Variants in GADD45A observed in about 807,000 individuals in gnomAD.
GADD45A encodes the protein growth arrest and DNA damage inducible alpha, also known as growth arrest and DNA damage-inducible protein GADD45 alpha.
In GADD45A, 9 loss-of-function variants were observed where a neutral mutation model predicts 17.7. That is an observed-to-expected ratio of 0.51 (90% confidence interval 0.31 to 0.89). GADD45A has a LOEUF of 0.89. GADD45A is among the 40% of genes least tolerant of loss of function. The pLI is 0.05. For missense variants in GADD45A, 149 were observed against 220.6 expected (o/e 0.68, Z 2.06); for synonymous variants, 95 against 92.2 (o/e 1.03, Z -0.17).
Position 67,687,913 on chromosome 1 carries a change from A to G in GADD45A, c.*139A>G. Reference sequence around the variant, plus strand: ...CAAGGGGCTGAGTGAGTTCAACTACATGTTCTGGGGGCCCGGAGATAGATG... The same window carrying G: ...CAAGGGGCTGAGTGAGTTCAACTACGTGTTCTGGGGGCCCGGAGATAGATG... On this transcript the variant is annotated 3_prime_UTR_variant, in exon 4 of 4. Coordinates refer to ENST00000370986, the MANE Select transcript of GADD45A (RefSeq NM_001924.4). 1.8e-6 allele frequency: 1 copy of G among 567,074 alleles called. No homozygotes were observed. Among genetic ancestry groups the G allele is most frequent in the Non-Finnish European group, 3.2e-6 (1 of 315,662 alleles). 35.1% of individuals were successfully genotyped at this position (567,074 alleles called of 1,614,324 possible). A position where few individuals can be genotyped will look rare whatever the true frequency, so the allele number is the denominator to read the frequency against.
At chr1:67,687,435 T>G (rs1239829054) in intron 3 of GADD45A, among the ~76,000 whole-genome samples, 2 of 152,220 alleles carry the variant, frequency 1.3e-5, no homozygotes, top group East Asian at 3.8e-4. Context: ...CAGCTTGGGT[T>G]GCATGGGTTC....
chr1:67,686,706 C>T, intron 3 of GADD45A, 119 bp downstream of exon 3: 1 of 748,660 alleles, frequency 1.3e-6, no homozygotes, highest in Admixed American at 2.8e-5. Context: ...CTGCCTTTGT[C>T]CGACTAGAGT....
At chr1:67,686,660 T>C (rs1348595280) in intron 3 of GADD45A, 73 bp downstream of exon 3, 9 of 1,352,484 alleles carry the variant, frequency 6.7e-6, no homozygotes, top group Non-Finnish European at 9.1e-6. Context: ...GGTTGCCTGA[T>C]TGTGGATCTG....
Position 67,686,247 on chromosome 1 carries a change from G to A in GADD45A, c.147-103G>A, listed in dbSNP as rs188385738. 5,477 of 1,382,330 alleles carry A rather than the reference G, an allele frequency of 4.0e-3. 18 individuals are homozygous for A. Among genetic ancestry groups the A allele is most frequent in the Non-Finnish European group, 4.6e-3 (4,625 of 1,005,178 alleles). The allele number at this position is 1,382,330 out of a possible 1,614,324, so 85.6% of individuals were successfully genotyped here. A position where few individuals can be genotyped will look rare whatever the true frequency, so the allele number is the denominator to read the frequency against. ...TCCTGTCGCTTTTCTGCCTGTCTCG[G>A]AAGGGAGGGGGCGAGCGGGCCGGGC... On this transcript the variant is annotated intron_variant, in intron 2 of 3. Coordinates refer to ENST00000370986, the MANE Select transcript of GADD45A (RefSeq NM_001924.4).
Position 67,685,543 on chromosome 1 carries a change from G to A in GADD45A, c.44+5G>A. On this transcript the variant is annotated splice_donor_5th_base_variant and intron_variant, in intron 1 of 3. Transcript: ENST00000370986. ...TGGAGAGCAGAAGACCGAAAGGTGA[G>A]TCGGCCTGCGGACTCTTCCGGCCCG... The A allele has an allele frequency of 6.2e-7, 1 of 1,605,324 alleles. No homozygotes were observed. The highest frequency in any genetic ancestry group is 8.5e-7 in the Non-Finnish European group (1 of 1,175,380).
chr1:67,686,086 A>G lies in GADD45A; in HGVS notation c.106A>G (p.Ile36Val). 1 of 1,610,048 alleles carries G rather than the reference A, an allele frequency of 6.2e-7. No individual in the cohort carries two copies. Among genetic ancestry groups the G allele is most frequent in the Non-Finnish European group, 8.5e-7 (1 of 1,178,410 alleles). The change falls in exon 2 of 4, where the codon ATC becomes GTC. Residue 36 changes from isoleucine (I) to valine (V), a missense_variant. Coordinates refer to ENST00000370986, the MANE Select transcript of GADD45A (RefSeq NM_001924.4). ...VLSKALSQRT[I>V]TVGVYEAAKL... ...CAGCAAAGCCCTGAGTCAGCGCACGATCACTGTCGGGGTGTACGAAGCGGC... is the reference window on the plus strand; with the variant it reads ...CAGCAAAGCCCTGAGTCAGCGCACGGTCACTGTCGGGGTGTACGAAGCGGC...
intron 2 of GADD45A, 87 bp from the exon 3 acceptor site, chr1:67,686,263 C>A: frequency 7.2e-7 from 1 of 1,385,438 alleles, no homozygotes; most frequent in Non-Finnish European, 9.9e-7. Flanking sequence ...AGGGGGCGAG[C>A]GGGCCGGGCG....
At chr1:67,686,229 G>T (rs1646132534) in intron 2 of GADD45A, 103 bp downstream of exon 2, 4 of 1,374,542 alleles carry the variant, frequency 2.9e-6, no homozygotes, top group East Asian at 2.5e-5. Flanking sequence ...ACTTCCTGTC[G>T]CTTTTCTGCC....
At chr1:67,685,673 C>G in intron 1 of GADD45A, 135 bp downstream of exon 1, 1 of 827,828 alleles carries the variant, frequency 1.2e-6, no homozygotes, top group South Asian at 1.6e-5. Context: ...CCCTTGCTCC[C>G]TCGGGACTCT....
rs1398996723 is a variant in GADD45A, at chr1:67,685,255, C to A, written c.-240C>A. The A allele has an allele frequency of 4.0e-6, 2 of 506,110 alleles. No individual in the cohort carries two copies. Among genetic ancestry groups the A allele is most frequent in the South Asian group, 2.6e-5 (1 of 38,920 alleles). The allele number at this position is 506,110 out of a possible 1,614,324, so 31.4% of individuals were successfully genotyped here. ...GCGGCCCAATTAGTGTCGTGCGGCCCGTGGCGAGGCGAGGTCCGGGGAGCG... is the reference window on the plus strand; with the variant it reads ...GCGGCCCAATTAGTGTCGTGCGGCCAGTGGCGAGGCGAGGTCCGGGGAGCG... On this transcript the variant is annotated 5_prime_UTR_variant, in exon 1 of 4. Coordinates refer to ENST00000370986, the MANE Select transcript of GADD45A (RefSeq NM_001924.4).
chr1:67,688,203 TTGA>T lies in GADD45A; in HGVS notation c.*433_*435del, dbSNP rs1372645274. The T allele has an allele frequency of 6.5e-6, 1 of 154,550 alleles. No individual in the cohort carries two copies. The highest frequency in any genetic ancestry group is 2.4e-5 in the African/African-American group (1 of 41,496). The allele number at this position is 154,550 out of a possible 1,614,324, so 9.6% of individuals were successfully genotyped here. A position where few individuals can be genotyped will look rare whatever the true frequency, so the allele number is the denominator to read the frequency against. The stretch of plus-strand genomic sequence containing the variant: ...TTTGAAAACCATATTTTATTGTATT[TTGA>T]TGAGATATTAAATTCTCAAAGTTTT... On this transcript the variant is annotated 3_prime_UTR_variant, in exon 4 of 4. Transcript: ENST00000370986.
chr1:67,687,941 T>C lies in GADD45A; in HGVS notation c.*167T>C. On this transcript the variant is annotated 3_prime_UTR_variant, in exon 4 of 4. Coordinates refer to ENST00000370986, the MANE Select transcript of GADD45A (RefSeq NM_001924.4). ...TTCTGGGGGCCCGGAGATAGATGAC[T>C]TTGCAGATGGAAAGAGGTGAAAATG... 1 of 498,488 alleles carries C rather than the reference T, an allele frequency of 2.0e-6. No homozygotes were observed. The highest frequency in any genetic ancestry group is 3.6e-6 in the Non-Finnish European group (1 of 279,432). The allele number at this position is 498,488 out of a possible 1,614,324, so 30.9% of individuals were successfully genotyped here.
At chr1:67,685,617 G>A in intron 1 of GADD45A, 79 bp downstream of exon 1, 1 of 1,422,296 alleles carries the variant, frequency 7.0e-7, no homozygotes, top group East Asian at 2.4e-5. Flanking sequence ...GGCTGTGGAA[G>A]GCTTGCAGGG....
In GADD45A at chr1:67,686,545, G is replaced by C; in HGVS notation, c.342G>C (p.Glu114Asp). The C allele has an allele frequency of 6.2e-7, 1 of 1,612,352 alleles. No homozygotes were observed. The highest frequency in any genetic ancestry group is 1.1e-5 in the South Asian group (1 of 90,986). The change falls in exon 3 of 4, where the codon GAG (glutamate) becomes GAC (aspartate). Residue 114 changes from glutamate (E) to aspartate (D), a missense_variant. Physicochemically the swap from Glu to Asp is conservative, Grantham distance 45. Transcript: ENST00000370986. The part of the protein sequence containing the change: ...LETDAGPAAS[E>D]GAEQPPDLHC... ...CCGACGCTGGCCCCGCGGCGAGCGA[G>C]GGCGCCGAGCAGCCCCCGGACCTGC...
chr1:67,686,240 TGTCTCGGAAGGGAGGGGG>T, intron 2 of GADD45A, 92 bp from the exon 3 acceptor site: 1 of 1,367,104 alleles, frequency 7.3e-7, no homozygotes, highest in East Asian at 2.5e-5. Context: ...CTTTTCTGCC[TGTCTCGGAAGGGAGGGGG>T]CGAGCGGGCC....
chr1:67,685,289 A>G lies in GADD45A; in HGVS notation c.-206A>G, dbSNP rs1646124180. On this transcript the variant is annotated 5_prime_UTR_variant, in exon 1 of 4. Transcript: ENST00000370986. ...GCGAGGTCCGGGGAGCGAGCGAGCA[A>G]GCAAGGCGGGAGGGGTGGCCGGAGC... The G allele has an allele frequency of 1.9e-6, 1 of 522,188 alleles. No individual in the cohort carries two copies. The highest frequency in any genetic ancestry group is 3.3e-6 in the Non-Finnish European group (1 of 298,792). 32.3% of individuals were successfully genotyped at this position (522,188 alleles called of 1,614,324 possible).
In GADD45A at chr1:67,685,725, C is replaced by T; in HGVS notation, c.44+187C>T. 3 of 647,460 alleles carry T rather than the reference C, an allele frequency of 4.6e-6. No individual in the cohort carries two copies. The South Asian group carries it at 5.8e-5, about 13-fold the overall frequency. The allele number at this position is 647,460 out of a possible 1,614,324, so 40.1% of individuals were successfully genotyped here. A position where few individuals can be genotyped will look rare whatever the true frequency, so the allele number is the denominator to read the frequency against. On this transcript the variant is annotated intron_variant, in intron 1 of 3. Coordinates refer to ENST00000370986, the MANE Select transcript of GADD45A (RefSeq NM_001924.4). ...GACTGAAAGAGCGTGCCCCCCAACC[C>T]GAACGAGCCCCGCCGGGGCCTTTGC...
chr1:67,685,756 G>T, intron 1 of GADD45A: 1 of 607,968 alleles, frequency 1.6e-6, no homozygotes, highest in South Asian at 2.0e-5. Context: ...TTTGCAAAGG[G>T]CAGCAGTGGC....
rs374796115 is a variant in GADD45A at position 67,687,769 on chromosome 1, C to A, written c.493C>A (p.Arg165=). The part of the protein sequence containing the change: ...QWVPVINLPE[R] ...GGTTCCAGTGATTAATCTCCCTGAA[C>A]GGTGATGGCATCTGAATGAAAATAA... The change falls in exon 4 of 4, where the codon CGG becomes AGG. Residue 165 remains arginine, a synonymous_variant. Coordinates refer to ENST00000370986, the MANE Select transcript of GADD45A (RefSeq NM_001924.4). 3.8e-6 allele frequency: 6 copies of A among 1,593,616 alleles called. No homozygotes were observed. The East Asian group carries it at 1.3e-4, about 36-fold the overall frequency.
Sources: gnomAD v4.1 joint callset for allele counts (sites outside exome capture counted in the v4.1 genomes callset) on GRCh38, gnomAD v4.1.1 for gene constraint, MANE v1.5 for transcripts, NCBI Gene and HGNC (gene_info 2026-07-23, HGNC 2026-07-21) for gene names.